Variants in CXCL12 observed in about 807,000 individuals in gnomAD.
The protein encoded by CXCL12 is stromal cell-derived factor 1.
In CXCL12, 4 loss-of-function variants were observed where a neutral mutation model predicts 10.7. The observed-to-expected ratio is 0.37, with a 90% CI of 0.18 to 0.86. The LOEUF (loss-of-function observed/expected upper bound fraction) is 0.86. Among genes scored for constraint, CXCL12 ranks in the 40% least tolerant of loss-of-function variants. The probability of loss-of-function intolerance (pLI) is 0.43; values close to 1 mark genes in which losing one functional copy is unlikely to be tolerated. For missense variants in CXCL12, 122 were observed against 110.4 expected (o/e 1.10, Z -0.47); for synonymous variants, 54 against 45.4 (o/e 1.19, Z -0.77).
chr10:44,373,466 T>TGGAAGTA, downstream of CXCL12: 1 of 818,148 alleles, frequency 1.2e-6, no homozygotes, highest in Non-Finnish European at 2.1e-6. Flanking sequence ...GTTGCCACCT[T>TGGAAGTA]GGCCATGCAT....
Position 44,377,688 on chromosome 10 carries a change from A to G in CXCL12, c.*945T>C, listed in dbSNP as rs948569743. 2.5e-6 allele frequency: 4 copies of G among 1,591,414 alleles called. No individual in the cohort carries two copies. The highest frequency in any genetic ancestry group is 3.4e-6 in the Non-Finnish European group (4 of 1,176,768). ...ACCCAGTCACTCAAAGCGAGCTCTC[A>G]GATTTAAAATTGCATTTGATTCTGT... On this transcript the variant is annotated 3_prime_UTR_variant, in exon 3 of 3. Transcript: ENST00000343575.
intron 2 of CXCL12, 37 bp from the exon 3 acceptor site, chr10:44,378,760 A>G: frequency 6.2e-7 from 1 of 1,606,850 alleles, no homozygotes; most frequent in South Asian, 1.1e-5. Context: ...GCGGCTGCAC[A>G]GGAGGAAGGC....
At position 44,378,272 on chromosome 10, in the gene CXCL12, G is replaced by C. The variant is rs768676677; in HGVS notation, c.*361C>G. 7.5e-6 allele frequency: 11 copies of C among 1,467,308 alleles called. No individual in the cohort carries two copies. The highest frequency in any genetic ancestry group is 1.4e-5 in the African/African-American group (1 of 72,158). The allele number at this position is 1,467,308 out of a possible 1,614,324, so 90.9% of individuals were successfully genotyped here. A position where few individuals can be genotyped will look rare whatever the true frequency, so the allele number is the denominator to read the frequency against. On this transcript the variant is annotated 3_prime_UTR_variant, in exon 3 of 3. Coordinates refer to ENST00000343575, the MANE Select transcript of CXCL12 (RefSeq NM_199168.4). ...AAATTCAGATCTTGAAGTACTCGTT[G>C]ATTTAAAAAATGAGAATGAGAATGA... is the stretch of plus-strand genomic sequence containing the variant.
chr10:44,374,022 T>C (rs980702827), downstream of CXCL12, among the ~76,000 whole-genome samples: 1 of 152,222 alleles, frequency 6.6e-6, no homozygotes, highest in Non-Finnish European at 1.5e-5. Context: ...GTGTACCACC[T>C]GCTCCCAGGA....
downstream of CXCL12, chr10:44,371,327 T>G (rs761872060): frequency 1.7e-5 from 8 of 470,178 alleles, no homozygotes; most frequent in African/African-American, 4.0e-5. Flanking sequence ...AAGAATTCAA[T>G]GGTCTTGGTT....
downstream of CXCL12, chr10:44,375,823 ACG>A: frequency 6.5e-7 from 1 of 1,537,708 alleles, no homozygotes; most frequent in Non-Finnish European, 8.7e-7. Flanking sequence ...CTGCTCCCCC[ACG>A]GAAGTCTGAG....
intron 2 of CXCL12, 99 bp from the exon 3 acceptor site, chr10:44,378,822 T>C: frequency 8.4e-7 from 1 of 1,194,136 alleles, no homozygotes; most frequent in Non-Finnish European, 1.2e-6. Flanking sequence ...GGGCCCTCGC[T>C]GGCACCCCGT....
At position 44,378,028 on chromosome 10, in the gene CXCL12, A is replaced by G; in HGVS notation, c.*605T>C. 6.7e-7 allele frequency: 1 copy of G among 1,491,184 alleles called. No homozygotes were observed. The highest frequency in any genetic ancestry group is 8.8e-7 in the Non-Finnish European group (1 of 1,132,320). 92.4% of individuals were successfully genotyped at this position (1,491,184 alleles called of 1,614,324 possible). A position where few individuals can be genotyped will look rare whatever the true frequency, so the allele number is the denominator to read the frequency against. On this transcript the variant is annotated 3_prime_UTR_variant, in exon 3 of 3. Coordinates refer to ENST00000343575, the MANE Select transcript of CXCL12 (RefSeq NM_199168.4). Reference sequence around the variant, plus strand: ...TAATAGTGGCTTCTACATGGAGCCCACAGAGCCAATCACTGAGGTTGAAAG... The same window carrying G: ...TAATAGTGGCTTCTACATGGAGCCCGCAGAGCCAATCACTGAGGTTGAAAG...
chr10:44,371,242 C>T (rs565385865), downstream of CXCL12: 1 of 294,734 alleles, frequency 3.4e-6, no homozygotes, highest in Admixed American at 5.0e-5. Flanking sequence ...TCTATTTTCT[C>T]CCATGGAGGA....
rs115194402 is a variant in CXCL12, at chr10:44,379,102, C to A, written c.180-379G>T. Among the ~76,000 whole-genome samples the A allele has an allele frequency of 4.2e-3, 633 of 152,100 alleles. 4 individuals carry two copies. The highest frequency in any genetic ancestry group is 0.015 in the African/African-American group (603 of 41,480). On this transcript the variant is annotated intron_variant, in intron 2 of 2. Coordinates refer to ENST00000343575, the MANE Select transcript of CXCL12 (RefSeq NM_199168.4). ...ATACAGAGGAAACTGAGGAAGGGGA[C>A]GACAGGATGCTCTAGGTACCTGGGG...
chr10:44,377,768 G>A lies in CXCL12; in HGVS notation c.*865C>T. The A allele has an allele frequency of 6.3e-7, 1 of 1,598,308 alleles. No homozygotes were observed. Among genetic ancestry groups the A allele is most frequent in the East Asian group, 2.2e-5 (1 of 44,878 alleles). Reference sequence around the variant, plus strand: ...GGACCATTACACATCCCCAGGAGAGGGCCAGCTCCATTCTGGAGGAGGCCA... The same window carrying A: ...GGACCATTACACATCCCCAGGAGAGAGCCAGCTCCATTCTGGAGGAGGCCA... On this transcript the variant is annotated 3_prime_UTR_variant, in exon 3 of 3. Transcript: ENST00000343575.
In CXCL12 at chr10:44,378,698, G is replaced by T; in HGVS notation, c.205C>A (p.Gln69Lys). 2 of 1,614,206 alleles carry T rather than the reference G, an allele frequency of 1.2e-6. No individual in the cohort carries two copies. The highest frequency in any genetic ancestry group is 1.7e-6 in the Non-Finnish European group (2 of 1,180,038). Reference sequence around the variant, plus strand: ...TTTAGCTTCGGGTCAATGCACACTTGTCTGTTGTTGTTCTTCAGCCGGGCT... The same window carrying T: ...TTTAGCTTCGGGTCAATGCACACTTTTCTGTTGTTGTTCTTCAGCCGGGCT... ...IVARLKNNNR[Q>K]VCIDPKLKWI... The change falls in exon 3 of 3, where the codon CAA (glutamine) becomes AAA (lysine). Residue 69 changes from glutamine to lysine, a missense_variant. By Grantham distance (53) the Gln-to-Lys change is moderately conservative. Transcript: ENST00000343575.
At chr10:44,380,460 C>A in intron 2 of CXCL12, 1 of 311,824 alleles carries the variant, frequency 3.2e-6, no homozygotes, top group Non-Finnish European at 6.0e-6. Flanking sequence ...CAGCCAAAAC[C>A]TTGGTGAAGC....
chr10:44,379,036 G>T (rs1244084404), intron 2 of CXCL12, among the ~76,000 whole-genome samples: 1 of 152,148 alleles, frequency 6.6e-6, no homozygotes, highest in Non-Finnish European at 1.5e-5. Flanking sequence ...TAAACGGGAA[G>T]GGAAAATCAG....
At chr10:44,373,463 C>A, downstream of CXCL12, 1 of 856,450 alleles carries the variant, frequency 1.2e-6, no homozygotes, top group Non-Finnish European at 1.9e-6. Flanking sequence ...CAAGTTGCCA[C>A]CTTGGCCATG....
rs1353888670 is a variant in CXCL12 at position 44,378,553 on chromosome 10, C to A, written c.*80G>T. On this transcript the variant is annotated 3_prime_UTR_variant, in exon 3 of 3. Transcript: ENST00000343575. ...CTCATGGTTAAGGCCCCCTCCCCCA[C>A]GTCTTTGCCCTTTCATCTCTCACAA... The A allele has an allele frequency of 1.9e-6, 3 of 1,605,322 alleles. No homozygotes were observed. Among genetic ancestry groups the A allele is most frequent in the Non-Finnish European group, 2.6e-6 (3 of 1,174,694 alleles).
In CXCL12 at chr10:44,378,555, T is replaced by C. The variant is rs1588899505; in HGVS notation, c.*78A>G. The C allele has an allele frequency of 3.0e-5, 48 of 1,606,482 alleles. No homozygotes were observed. In the East Asian group the frequency reaches 9.4e-4, roughly 31 times the overall value. On this transcript the variant is annotated 3_prime_UTR_variant, in exon 3 of 3. Coordinates refer to ENST00000343575, the MANE Select transcript of CXCL12 (RefSeq NM_199168.4). ...CATGGTTAAGGCCCCCTCCCCCACG[T>C]CTTTGCCCTTTCATCTCTCACAAGG...
At chr10:44,380,606 G>A (rs1015233086) in intron 2 of CXCL12, 157 bp downstream of exon 2, 4 of 706,962 alleles carry the variant, frequency 5.7e-6, no homozygotes, top group South Asian at 1.6e-5. Flanking sequence ...CATACTAAAG[G>A]TCCTCATGAT....
rs758047487 is a variant in CXCL12, at chr10:44,384,992, A to G, written c.14T>C (p.Val5Ala). The G allele has an allele frequency of 2.0e-6, 2 of 987,920 alleles. No individual in the cohort carries two copies. The highest frequency in any genetic ancestry group is 1.3e-6 in the Non-Finnish European group (1 of 752,016). 61.2% of individuals were successfully genotyped at this position (987,920 alleles called of 1,614,324 possible). The part of the protein sequence containing the change: MNAK[V>A]VVVLVLVLTA... ...CAGCACGAGGACCAGCACGACCACGACCTTGGCGTTCATGGCGCGGGCGGG... is the reference window on the plus strand; with the variant it reads ...CAGCACGAGGACCAGCACGACCACGGCCTTGGCGTTCATGGCGCGGGCGGG... The change falls in exon 1 of 3, where the codon GTC becomes GCC. Residue 5 changes from valine to alanine, a missense_variant. Coordinates refer to ENST00000343575, the MANE Select transcript of CXCL12 (RefSeq NM_199168.4).
Sources: gnomAD v4.1 joint callset for allele counts (sites outside exome capture counted in the v4.1 genomes callset) on GRCh38, gnomAD v4.1.1 for gene constraint, MANE v1.5 for transcripts, NCBI Gene and HGNC (gene_info 2026-07-23, HGNC 2026-07-21) for gene names.